Variants in SIAH1 observed in about 807,000 individuals in gnomAD.
SIAH1 encodes E3 ubiquitin-protein ligase SIAH1.
SIAH1 carries 2 observed loss-of-function variants against 20.0 expected under a neutral mutation model. The observed-to-expected ratio is 0.10, with a 90% CI of 0.04 to 0.31. The LOEUF (loss-of-function observed/expected upper bound fraction) is 0.31, where lower values mean the gene tolerates loss of function less well. Among genes scored for constraint, SIAH1 ranks in the 10% least tolerant of loss-of-function variants. The pLI is 1.00. For synonymous variants in SIAH1, 118 were observed against 125.3 expected, an observed-to-expected ratio of 0.94 and a Z score of 0.39; for missense variants, 119 against 355.3, an observed-to-expected ratio of 0.33 and a Z score of 5.35.
At chr16:48,364,749 G>C (rs1252171952) in intron 1 of SIAH1, 2 of 152,428 alleles carry the variant, frequency 1.3e-5, no homozygotes, top group Non-Finnish European at 2.9e-5. Flanking sequence ...ACTTCAGTAA[G>C]CAGCGTAACA....
chr16:48,371,470 C>T (rs1270592039), intron 1 of SIAH1, among the ~76,000 whole-genome samples: 1 of 152,120 alleles, frequency 6.6e-6, no homozygotes, highest in Non-Finnish European at 1.5e-5. Flanking sequence ...TAAATTAAAC[C>T]TTTACTTTCC....
intron 1 of SIAH1, among the ~76,000 whole-genome samples, chr16:48,376,068 G>A (rs1961102517): frequency 6.6e-6 from 1 of 152,134 alleles, no homozygotes; most frequent in South Asian, 2.1e-4. Flanking sequence ...ATTTAGGTCA[G>A]ATCAAAGAAA....
At chr16:48,363,831 G>A (rs530627481) in intron 1 of SIAH1, 2 of 165,536 alleles carry the variant, frequency 1.2e-5, no homozygotes, top group South Asian at 4.2e-4. Context: ...CTTTTCCCAG[G>A]AAGCTACCTG....
At chr16:48,364,453 A>T (rs1469937292) in intron 1 of SIAH1, among the ~76,000 whole-genome samples, 1 of 152,212 alleles carries the variant, frequency 6.6e-6, no homozygotes, top group Non-Finnish European at 1.5e-5. Context: ...ACGTCACTAA[A>T]CGGGTATTTT....
chr16:48,384,938 G>T (rs1386635481), intron 1 of SIAH1, among the ~76,000 whole-genome samples: 1 of 144,954 alleles, frequency 6.9e-6, no homozygotes, highest in East Asian at 2.0e-4. Context: ...GCCGCGCGGG[G>T]CCGACCCCCG....
intron 1 of SIAH1, chr16:48,365,924 G>C: frequency 8.2e-7 from 1 of 1,220,844 alleles, no homozygotes; most frequent in Non-Finnish European, 1.0e-6. Flanking sequence ...TTGGAGCCTC[G>C]GCCGGGGCTG....
chr16:48,386,753 G>T (rs778175165), upstream of SIAH1, among the ~76,000 whole-genome samples: 1 of 152,194 alleles, frequency 6.6e-6, no homozygotes, highest in Non-Finnish European at 1.5e-5. Context: ...TATGTGCTTG[G>T]CATAGCCATG....
In SIAH1 at chr16:48,360,977, A is replaced by T. The variant is rs1473095499; in HGVS notation, c.*603T>A. On this transcript the variant is annotated 3_prime_UTR_variant, in exon 2 of 2. Coordinates refer to ENST00000394725, the MANE Select transcript of SIAH1 (RefSeq NM_003031.4). ...AAAGAAAATATTGAACACGTTATAA[A>T]TTTTTTACCATAAACAAATATGCAT... The T allele has an allele frequency of 6.6e-6, 1 of 152,250 alleles. No homozygotes were observed. Among genetic ancestry groups the T allele is most frequent in the African/African-American group, 2.4e-5 (1 of 41,462 alleles). The allele number at this position is 152,250 out of a possible 1,614,324, so 9.4% of individuals were successfully genotyped here.
At chr16:48,378,251 G>T (rs1961164070) in intron 1 of SIAH1, among the ~76,000 whole-genome samples, 1 of 152,176 alleles carries the variant, frequency 6.6e-6, no homozygotes, top group Non-Finnish European at 1.5e-5. Flanking sequence ...TACTCGAGAG[G>T]CTGAGGCAGG....
intron 1 of SIAH1, among the ~76,000 whole-genome samples, chr16:48,382,043 A>G (rs1250326153): frequency 2.6e-5 from 4 of 152,204 alleles, no homozygotes; most frequent in Admixed American, 2.6e-4. Flanking sequence ...AATTAAAAAA[A>G]TCTGCATAAG....
upstream of SIAH1, among the ~76,000 whole-genome samples, chr16:48,385,831 G>A (rs1454617223): frequency 1.3e-5 from 2 of 152,036 alleles, no homozygotes; most frequent in African/African-American, 2.4e-5. Flanking sequence ...CCTCCCCCTT[G>A]TTTTGTCTGC....
upstream of SIAH1, among the ~76,000 whole-genome samples, chr16:48,385,876 A>C (rs1961451895): frequency 6.6e-6 from 1 of 151,878 alleles, no homozygotes; most frequent in East Asian, 1.9e-4. Context: ...ATCCTTCCCA[A>C]CTCCACTCAG....
chr16:48,375,248 G>T (rs1199974580), intron 1 of SIAH1, among the ~76,000 whole-genome samples: 1 of 152,128 alleles, frequency 6.6e-6, no homozygotes, highest in Admixed American at 6.6e-5. Context: ...GTTAAATTAT[G>T]GTCCACACAA....
intron 1 of SIAH1, among the ~76,000 whole-genome samples, chr16:48,380,519 C>A (rs1033243422): frequency 2.0e-5 from 3 of 151,474 alleles, no homozygotes; most frequent in African/African-American, 7.3e-5. Context: ...AAAAAAGAGT[C>A]AAAAAGACCT....
chr16:48,386,093 C>A (rs1055979543), upstream of SIAH1, among the ~76,000 whole-genome samples: 2 of 152,178 alleles, frequency 1.3e-5, no homozygotes, highest in Non-Finnish European at 2.9e-5. Context: ...ACTCTGCATT[C>A]CACTTCTTGA....
chr16:48,370,239 ATAAATTCTTATTACATTACTCT>A (rs1314905753), intron 1 of SIAH1, among the ~76,000 whole-genome samples: 1 of 152,222 alleles, frequency 6.6e-6, no homozygotes, highest in Admixed American at 6.5e-5. Context: ...GAAGAGCCAC[ATAAATTCTTATTACATTACTCT>A]TGTAACTCCT....
At chr16:48,363,112 G>A (rs1960668744) in intron 1 of SIAH1, 1 of 167,118 alleles carries the variant, frequency 6.0e-6, no homozygotes, top group African/African-American at 2.4e-5. Flanking sequence ...AGCATCCTCA[G>A]GTTTTGGTAT....
At chr16:48,384,660 G>A (rs1961393533) in intron 1 of SIAH1, among the ~76,000 whole-genome samples, 1 of 150,476 alleles carries the variant, frequency 6.6e-6, no homozygotes, top group Non-Finnish European at 1.5e-5. Flanking sequence ...GGGGTCGGGG[G>A]CAGAGAGCGG....
intron 1 of SIAH1, chr16:48,363,940 C>CTTTTTTTTTTTT (rs565145479): frequency 1.5e-5 from 1 of 64,642 alleles, no homozygotes; most frequent in Non-Finnish European, 3.1e-5. Context: ...AAGCCATAAT[C>CTTTTTTTTTTTT]TTTTTTTTTT....
Sources: gnomAD v4.1 joint callset for allele counts (sites outside exome capture counted in the v4.1 genomes callset) on GRCh38, gnomAD v4.1.1 for gene constraint, MANE v1.5 for transcripts, NCBI Gene and HGNC (gene_info 2026-07-23, HGNC 2026-07-21) for gene names.